Variants in UCK2 observed in about 807,000 individuals in gnomAD.
UCK2 encodes uridine-cytidine kinase 2.
UCK2 carries 6 observed loss-of-function variants against 30.8 expected under a neutral mutation model. The observed-to-expected ratio is 0.19, with a 90% CI of 0.11 to 0.38. The LOEUF (loss-of-function observed/expected upper bound fraction) is 0.38, where lower values mean the gene tolerates loss of function less well. UCK2 is among the 10% of genes least tolerant of loss of function. UCK2 has a pLI of 1.00. For synonymous variants in UCK2, 125 were observed against 133.6 expected, an observed-to-expected ratio of 0.94 and a Z score of 0.45; for missense variants, 210 against 339.8, an observed-to-expected ratio of 0.62 and a Z score of 3.00.
At chr1:165,839,337 C>T (rs926807829) in intron 1 of UCK2, among the ~76,000 whole-genome samples, 1 of 152,152 alleles carries the variant, frequency 6.6e-6, no homozygotes, top group African/African-American at 2.4e-5. Context: ...GCAAGCTGAG[C>T]GAGCCCTCCT....
intron 1 of UCK2, among the ~76,000 whole-genome samples, chr1:165,851,596 G>C (rs570477983): frequency 6.6e-6 from 1 of 152,124 alleles, no homozygotes; most frequent in African/African-American, 2.4e-5. Flanking sequence ...AGGGCTCAAG[G>C]CTTGAAGCTG....
At chr1:165,857,230 C>A (rs1298797836) in intron 1 of UCK2, among the ~76,000 whole-genome samples, 1 of 152,116 alleles carries the variant, frequency 6.6e-6, no homozygotes, top group Admixed American at 6.5e-5. Context: ...GTACTTGAAC[C>A]CTTTTCTCTT....
At chr1:165,838,979 C>G (rs6682894) in intron 1 of UCK2, among the ~76,000 whole-genome samples, 1 of 151,518 alleles carries the variant, frequency 6.6e-6, no homozygotes, top group Non-Finnish European at 1.5e-5. Context: ...ACCAGGGAGG[C>G]GGAGATTTCA....
At chr1:165,834,450 G>A (rs1654136877) in intron 1 of UCK2, among the ~76,000 whole-genome samples, 2 of 152,158 alleles carry the variant, frequency 1.3e-5, no homozygotes, top group South Asian at 4.1e-4. Flanking sequence ...GGGCAACAGA[G>A]CAAGACCCTA....
rs780305153 is a variant in UCK2, at chr1:165,891,183, A to AT, written c.260-39dup. 3 of 1,551,404 alleles carry AT rather than the reference A, an allele frequency of 1.9e-6. No homozygotes were observed. In the African/African-American group the frequency reaches 4.1e-5, roughly 21 times the overall value. ...CTTGTGTATGATTATAGGAGATCCT[A>AT]TTTTAAAATTAAGAAACATTTTAAC... On this transcript the variant is annotated intron_variant, in intron 2 of 6. Coordinates refer to ENST00000367879, the MANE Select transcript of UCK2 (RefSeq NM_012474.5).
chr1:165,896,887 T>A (rs1647276344), intron 4 of UCK2, among the ~76,000 whole-genome samples: 5 of 152,240 alleles, frequency 3.3e-5, no homozygotes. Context: ...CTGCCTGTGC[T>A]AAGTCCCTGT....
intron 4 of UCK2, among the ~76,000 whole-genome samples, chr1:165,897,356 G>T (rs1330032933): frequency 1.3e-5 from 2 of 152,194 alleles, no homozygotes; most frequent in Non-Finnish European, 2.9e-5. Flanking sequence ...CTGCTCTGCT[G>T]ATCTAGACGA....
Position 165,827,912 on chromosome 1 carries a change from G to A in UCK2, c.79G>A (p.Gly27Arg). The change falls in exon 1 of 7, where the codon GGG becomes AGG. Residue 27 changes from glycine (G) to arginine (R), a missense_variant. By Grantham distance (125) the Gly-to-Arg change is moderately radical. This residue lies in a region of UCK2 where 50 missense variants were observed against 41.0 expected (regional missense o/e 1.22). Coordinates refer to ENST00000367879, the MANE Select transcript of UCK2 (RefSeq NM_012474.5). ...GGEPFLIGVS[G>R]GTASGKSSVC... is the part of the protein sequence containing the mutation. ...CGAGCCCTTCCTTATAGGCGTCAGC[G>A]GGGGAACAGCTAGCGGCAAGGTACG... is the stretch of plus-strand genomic sequence containing the variant. 1.4e-6 allele frequency: 2 copies of A among 1,451,672 alleles called. No homozygotes were observed. Among genetic ancestry groups the A allele is most frequent in the Non-Finnish European group, 1.8e-6 (2 of 1,092,842 alleles). 89.9% of individuals were successfully genotyped at this position (1,451,672 alleles called of 1,614,324 possible). A position where few individuals can be genotyped will look rare whatever the true frequency, so the allele number is the denominator to read the frequency against.
intron 1 of UCK2, among the ~76,000 whole-genome samples, chr1:165,858,635 G>A (rs1246991531): frequency 6.6e-6 from 1 of 152,146 alleles, no homozygotes; most frequent in East Asian, 1.9e-4. Flanking sequence ...TAGGGCCCCT[G>A]TGTTGACTCC....
At chr1:165,905,216 C>T (rs1647609781) in intron 5 of UCK2, among the ~76,000 whole-genome samples, 1 of 152,220 alleles carries the variant, frequency 6.6e-6, no homozygotes, top group Admixed American at 6.5e-5. Context: ...GGTGCAGTGG[C>T]TCACGCCTGT....
intron 1 of UCK2, among the ~76,000 whole-genome samples, chr1:165,861,353 G>T (rs895824852): frequency 2.0e-5 from 3 of 152,066 alleles, no homozygotes; most frequent in African/African-American, 7.2e-5. Flanking sequence ...ACTCGGCCGG[G>T]CGCGGTGGCT....
At chr1:165,841,789 C>A (rs1352193209) in intron 1 of UCK2, among the ~76,000 whole-genome samples, 2 of 152,148 alleles carry the variant, frequency 1.3e-5, no homozygotes, top group Non-Finnish European at 2.9e-5. Flanking sequence ...ACTCCCTTTA[C>A]TGGTTTCCTG....
intron 1 of UCK2, among the ~76,000 whole-genome samples, chr1:165,862,222 A>C (rs1236579779): frequency 6.6e-6 from 1 of 152,126 alleles, no homozygotes. Context: ...TCAGATGATA[A>C]ACTTCTCTGA....
chr1:165,842,253 T>G (rs543889966), intron 1 of UCK2, among the ~76,000 whole-genome samples: 17 of 152,306 alleles, frequency 1.1e-4, no homozygotes, highest in Admixed American at 3.3e-4. Flanking sequence ...TGATTCCCTG[T>G]TTTTTCCCCC....
At chr1:165,872,530 T>A (rs898740026) in intron 1 of UCK2, among the ~76,000 whole-genome samples, 2 of 152,082 alleles carry the variant, frequency 1.3e-5, no homozygotes. Flanking sequence ...TATGGAAATT[T>A]TAAAAAATGC....
intron 1 of UCK2, among the ~76,000 whole-genome samples, chr1:165,834,034 T>G (rs1433932981): frequency 2.0e-5 from 3 of 152,184 alleles, no homozygotes; most frequent in African/African-American, 7.2e-5. Context: ...CTTTTGATAC[T>G]AAAATATTTT....
chr1:165,828,452 G>T (rs765928242), intron 1 of UCK2, among the ~76,000 whole-genome samples: 17 of 152,250 alleles, frequency 1.1e-4, no homozygotes, highest in Non-Finnish European at 2.5e-4. Flanking sequence ...TCCCGGGGAA[G>T]GGGAGCCCAG....
Position 165,899,309 on chromosome 1 carries a change from T to C in UCK2, c.499+2977T>C, listed in dbSNP as rs3790663. On this transcript the variant is annotated intron_variant, in intron 4 of 6. Coordinates refer to ENST00000367879, the MANE Select transcript of UCK2 (RefSeq NM_012474.5). ...TCTGTGCTCTTTACCACCACCCAGC[T>C]CTGAATACGGGGACAGGGAGGAGGT... Among the ~76,000 whole-genome samples, 1,350 of 152,240 alleles carry C rather than the reference T, an allele frequency of 8.9e-3. 36 individuals carry two copies. Among genetic ancestry groups the C allele is most frequent in the Admixed American group, 0.057 (872 of 15,296 alleles).
intron 1 of UCK2, among the ~76,000 whole-genome samples, chr1:165,882,827 C>A (rs1410465274): frequency 6.6e-6 from 1 of 152,036 alleles, no homozygotes; most frequent in Non-Finnish European, 1.5e-5. Context: ...TTAACACTCA[C>A]TCTTTTGTTT....
Sources: allele counts gnomAD v4.1 joint callset (sites outside exome capture counted in the v4.1 genomes callset), GRCh38; gene constraint gnomAD v4.1.1; regional missense constraint gnomAD v4.1.1; transcripts MANE v1.5; gene names NCBI Gene and HGNC (gene_info 2026-07-23, HGNC 2026-07-21).